RB1: variants seen among roughly 807,000 people sequenced by gnomAD.
The protein encoded by RB1 is RB transcriptional corepressor 1.
A neutral mutation model predicts 135.4 loss-of-function variants in RB1; 18 were observed. The ratio of observed to expected loss-of-function variants is 0.13; its 90% CI spans 0.09 to 0.20. RB1 has a LOEUF of 0.20. RB1 is among the 10% of genes least tolerant of loss of function. RB1 has a pLI of 1.00. For missense variants in RB1, 868 were observed against 1,110.0 expected, an observed-to-expected ratio of 0.78 and a Z score of 3.10; for synonymous variants, 365 against 373.2, an observed-to-expected ratio of 0.98 and a Z score of 0.25.
chr13:48,421,898 A>T (rs1255126236), intron 17 of RB1, among the ~76,000 whole-genome samples: 1 of 152,170 alleles, frequency 6.6e-6, no homozygotes, highest in Admixed American at 6.5e-5. Context: ...GGAGAATAGG[A>T]ATGCTTTTAC....
intron 17 of RB1, among the ~76,000 whole-genome samples, chr13:48,439,440 G>A (rs1260329500): frequency 6.6e-6 from 1 of 152,082 alleles, no homozygotes; most frequent in Non-Finnish European, 1.5e-5. Flanking sequence ...ATTAATCATA[G>A]TTATCGAAAT....
intron 17 of RB1, among the ~76,000 whole-genome samples, chr13:48,445,866 T>C (rs776542051): frequency 6.6e-5 from 10 of 152,232 alleles, no homozygotes; most frequent in Non-Finnish European, 1.5e-4. Context: ...CGTATTCTAT[T>C]TGACTAACAT....
rs79230794 is a variant in RB1 at position 48,449,146 on chromosome 13, A to G, written c.1696-3847A>G. Reference sequence around the variant, plus strand: ...TTCTTTTTAAATTTCTTCTCCCTGCATAGTTTCTGCATCTCCCAGATCGCC... The same window carrying G: ...TTCTTTTTAAATTTCTTCTCCCTGCGTAGTTTCTGCATCTCCCAGATCGCC... On this transcript the variant is annotated intron_variant, in intron 17 of 26. Transcript: ENST00000267163. Among the ~76,000 whole-genome samples, 1,765 of 152,000 alleles carry G rather than the reference A, an allele frequency of 0.012. 67 individuals are homozygous for G. The East Asian group carries it at 0.12, about 10-fold the overall frequency.
At chr13:48,423,213 C>T (rs1321192991) in intron 17 of RB1, among the ~76,000 whole-genome samples, 1 of 152,126 alleles carries the variant, frequency 6.6e-6, no homozygotes, top group Non-Finnish European at 1.5e-5. Flanking sequence ...TTAATGACAT[C>T]TGATTCTGAT....
intron 6 of RB1, among the ~76,000 whole-genome samples, chr13:48,352,027 G>A (rs1952553353): frequency 6.6e-6 from 1 of 152,048 alleles, no homozygotes; most frequent in African/African-American, 2.4e-5. Flanking sequence ...TAAGGAATGG[G>A]TCCAGCTTCA....
At chr13:48,324,858 G>GTTTGTT (rs911765586) in intron 2 of RB1, among the ~76,000 whole-genome samples, 2 of 146,796 alleles carry the variant, frequency 1.4e-5, no homozygotes, top group African/African-American at 2.5e-5. Flanking sequence ...TTTTTTGTTT[G>GTTTGTT]TTTGTTTTTG....
intron 17 of RB1, among the ~76,000 whole-genome samples, chr13:48,406,310 C>T (rs1382179953): frequency 6.6e-6 from 1 of 152,010 alleles, no homozygotes; most frequent in Non-Finnish European, 1.5e-5. Flanking sequence ...TCCATGACGG[C>T]CACTGTCCAA....
At chr13:48,317,982 T>C in intron 2 of RB1, 1 of 470,840 alleles carries the variant, frequency 2.1e-6, no homozygotes, top group Non-Finnish European at 4.0e-6. Flanking sequence ...TACAGTTCGA[T>C]GCTCTCGTCA....
intron 14 of RB1, 25 bp downstream of exon 14, chr13:48,379,675 A>AT (rs752204015): frequency 6.2e-7 from 1 of 1,602,274 alleles, no homozygotes; most frequent in Non-Finnish European, 8.5e-7. Flanking sequence ...ATATAAAAAA[A>AT]TTTCAGCCGG....
At chr13:48,406,951 T>A (rs1948745799) in intron 17 of RB1, among the ~76,000 whole-genome samples, 1 of 152,212 alleles carries the variant, frequency 6.6e-6, no homozygotes, top group African/African-American at 2.4e-5. Flanking sequence ...ATTTGTTATG[T>A]GACATTGTGT....
chr13:48,321,608 C>A (rs891027712), intron 2 of RB1, among the ~76,000 whole-genome samples: 1 of 152,052 alleles, frequency 6.6e-6, no homozygotes, highest in Non-Finnish European at 1.5e-5. Context: ...GTAATCCTAG[C>A]ACTTTCGGAA....
At position 48,412,292 on chromosome 13, in the gene RB1, G is replaced by A. The variant is rs1002723835; in HGVS notation, c.1695+30849G>A. 5.6e-6 allele frequency: 9 copies of A among 1,613,482 alleles called. No homozygotes were observed. Among genetic ancestry groups the A allele is most frequent in the Admixed American group, 1.7e-5 (1 of 60,002 alleles). On this transcript the variant is annotated intron_variant, in intron 17 of 26. Coordinates refer to ENST00000267163, the MANE Select transcript of RB1 (RefSeq NM_000321.3). The stretch of plus-strand genomic sequence containing the variant: ...TAGTTTCATTTCGGACTTTGAGGAC[G>A]CAGATGAAAATGTATATGGCAACAC...
chr13:48,453,191 GA>G, intron 18 of RB1, 80 bp downstream of exon 18: 1 of 1,324,904 alleles, frequency 7.5e-7, no homozygotes, highest in African/African-American at 1.4e-5. Context: ...ATTCTATAAA[GA>G]AACTGTAGGG....
intron 6 of RB1, among the ~76,000 whole-genome samples, chr13:48,353,879 A>C (rs1157111681): frequency 6.6e-6 from 1 of 152,180 alleles, no homozygotes; most frequent in East Asian, 1.9e-4. Context: ...GCATTTGATA[A>C]AATTCAGCAT....
chr13:48,317,083 C>A (rs940810661), intron 2 of RB1: 1 of 864,554 alleles, frequency 1.2e-6, no homozygotes, highest in East Asian at 4.4e-5. Flanking sequence ...GGCCAGGGCC[C>A]GCCGTCCTTC....
intron 12 of RB1, among the ~76,000 whole-genome samples, chr13:48,375,009 C>T (rs536601785): frequency 1.3e-5 from 2 of 152,222 alleles, no homozygotes; most frequent in Admixed American, 6.5e-5. Flanking sequence ...ATAATGACCT[C>T]CAGCTACATC....
intron 17 of RB1, among the ~76,000 whole-genome samples, chr13:48,430,381 T>TA (rs1949116659): frequency 6.6e-6 from 1 of 152,014 alleles, no homozygotes; most frequent in Non-Finnish European, 1.5e-5. Context: ...ATAATCTCAA[T>TA]AAAAAATGAC....
chr13:48,373,896 G>T (rs1360331361), intron 12 of RB1, among the ~76,000 whole-genome samples: 1 of 151,874 alleles, frequency 6.6e-6, no homozygotes. Context: ...AGCTTTGCTC[G>T]ATCTTCAATT....
chr13:48,420,742 A>G (rs1694009050), intron 17 of RB1, among the ~76,000 whole-genome samples: 1 of 152,178 alleles, frequency 6.6e-6, no homozygotes, highest in African/African-American at 2.4e-5. Context: ...ATACAACAAT[A>G]ATAGACAAAC....
Sources: allele counts gnomAD v4.1 joint callset (sites outside exome capture counted in the v4.1 genomes callset), GRCh38; gene constraint gnomAD v4.1.1; transcripts MANE v1.5; gene names NCBI Gene and HGNC (gene_info 2026-07-23, HGNC 2026-07-21).